SLC23A2: variants seen among roughly 807,000 people sequenced by gnomAD.
The protein encoded by SLC23A2 is Na(+)/L-ascorbic acid transporter 2.
In SLC23A2, 36 loss-of-function variants were observed where a neutral mutation model predicts 73.3. The ratio of observed to expected loss-of-function variants is 0.49; its 90% confidence interval spans 0.38 to 0.65. The LOEUF (loss-of-function observed/expected upper bound fraction) is 0.65. Ranked by LOEUF, SLC23A2 falls within the 30% of genes least tolerant of loss-of-function variation. The pLI, the probability that SLC23A2 is intolerant of heterozygous loss-of-function variation, is 0.00. For synonymous variants in SLC23A2, 343 were observed against 327.3 expected, an observed-to-expected ratio of 1.05 and a Z score of -0.52; for missense variants, 507 against 841.6, an observed-to-expected ratio of 0.60 and a Z score of 4.92.
At chr20:4,974,696 AT>A (rs955487727) in intron 1 of SLC23A2, among the ~76,000 whole-genome samples, 1 of 152,012 alleles carries the variant, frequency 6.6e-6, no homozygotes, top group African/African-American at 2.4e-5. Context: ...CAATGTTTGT[AT>A]TTTTTTCAAG....
chr20:4,989,725 T>C (rs949703415), intron 1 of SLC23A2, among the ~76,000 whole-genome samples: 9 of 151,958 alleles, frequency 5.9e-5, no homozygotes, highest in African/African-American at 2.2e-4. Context: ...ACCCATGACA[T>C]GAGGTCAGGT....
In SLC23A2 at chr20:4,883,369, T is replaced by C. The variant is rs766940204; in HGVS notation, c.824+273A>G. 2.0e-5 allele frequency among the ~76,000 whole-genome samples: 3 copies of C among 152,122 alleles called. No individual in the cohort carries two copies. Among genetic ancestry groups the C allele is most frequent in the Non-Finnish European group, 2.9e-5 (2 of 68,028 alleles). On this transcript the variant is annotated intron_variant, in intron 9 of 16. Transcript: ENST00000338244. The surrounding 1 kb of genome is among the most constrained non-coding windows in gnomAD (Gnocchi z 4.5). ...CAAGACCTCAAAAGTCAAAAACAAA[T>C]GGCGCCACTACCTTACCCCACTACC...
At chr20:4,967,499 C>T (rs1176202541) in intron 2 of SLC23A2, among the ~76,000 whole-genome samples, 1 of 152,212 alleles carries the variant, frequency 6.6e-6, no homozygotes, top group African/African-American at 2.4e-5. Context: ...TCTGTAATCA[C>T]CATCAGTGTT....
Position 4,862,130 on chromosome 20 carries a change from C to G in SLC23A2, c.1487-45G>C. ...ACCACAAGCTCCAGCACCACTACAG[C>G]GGGGACAGCTCAAGGCAGGTGAGGG... is the stretch of plus-strand genomic sequence containing the variant. On this transcript the variant is annotated intron_variant, in intron 14 of 16. Coordinates refer to ENST00000338244, the MANE Select transcript of SLC23A2 (RefSeq NM_005116.6). This position sits in a 1 kb window ranked among gnomAD's most constrained non-coding sequence, Gnocchi z 5.1. 6.2e-7 allele frequency: 1 copy of G among 1,606,014 alleles called. No homozygotes were observed. Among genetic ancestry groups the G allele is most frequent in the South Asian group, 1.1e-5 (1 of 89,996 alleles).
rs1930020960 is a variant in SLC23A2, at chr20:4,862,736, A to G, written c.1486+42T>C. 6.3e-7 allele frequency: 1 copy of G among 1,582,284 alleles called. No homozygotes were observed. Among genetic ancestry groups the G allele is most frequent in the Admixed American group, 1.7e-5 (1 of 57,716 alleles). The stretch of plus-strand genomic sequence containing the variant: ...AAAAACACCATGACCCCTATTAAAA[A>G]TTTGGAAAAGTAAAGGAAAAAGCCA... On this transcript the variant is annotated intron_variant, in intron 14 of 16. Coordinates refer to ENST00000338244, the MANE Select transcript of SLC23A2 (RefSeq NM_005116.6). This position sits in a 1 kb window ranked among gnomAD's most constrained non-coding sequence, Gnocchi z 5.1.
chr20:4,992,251 C>T (rs565198550), intron 1 of SLC23A2, among the ~76,000 whole-genome samples: 3 of 152,192 alleles, frequency 2.0e-5, no homozygotes, highest in African/African-American at 7.2e-5. Context: ...AACAGATAAA[C>T]TGACTAAAAC....
chr20:4,921,379 C>T (rs749588250), intron 3 of SLC23A2, among the ~76,000 whole-genome samples: 49 of 152,162 alleles, frequency 3.2e-4, no homozygotes, highest in Admixed American at 5.9e-4. Context: ...CTCAGAAATT[C>T]GAGACCAGCC....
chr20:4,989,862 A>G (rs2087897417), intron 1 of SLC23A2, among the ~76,000 whole-genome samples: 1 of 152,160 alleles, frequency 6.6e-6, no homozygotes, highest in African/African-American at 2.4e-5. Context: ...CTACTGAAAA[A>G]TAAGAACAAC....
chr20:4,936,057 C>T (rs1340619135), intron 2 of SLC23A2, among the ~76,000 whole-genome samples: 5 of 152,080 alleles, frequency 3.3e-5, no homozygotes, highest in Non-Finnish European at 5.9e-5. Flanking sequence ...ATTTTATCCC[C>T]GCTTTTTGTT....
chr20:4,920,217 T>C (rs1168730590), intron 3 of SLC23A2, among the ~76,000 whole-genome samples: 1 of 152,168 alleles, frequency 6.6e-6, no homozygotes. Flanking sequence ...GCCGAGAACA[T>C]GACACTGCAC....
chr20:4,984,999 T>C (rs1031969786), intron 1 of SLC23A2, among the ~76,000 whole-genome samples: 1 of 151,940 alleles, frequency 6.6e-6, no homozygotes, highest in African/African-American at 2.4e-5. Flanking sequence ...TAGCTGGGCG[T>C]GGTGGCACGT....
At position 4,857,290 on chromosome 20, in the gene SLC23A2, AC is replaced by A; in HGVS notation, c.1721-87del. 1 of 258,680 alleles carries A rather than the reference AC, an allele frequency of 3.9e-6. No individual in the cohort carries two copies. The highest frequency in any genetic ancestry group is 6.8e-6 in the Non-Finnish European group (1 of 146,718). The allele number at this position is 258,680 out of a possible 1,614,324, so 16.0% of individuals were successfully genotyped here. ...AAACTGTCGTCAAACACATACACAC[AC>A]ACACACACACACACACACACACACA... On this transcript the variant is annotated intron_variant, in intron 16 of 16. Transcript: ENST00000338244. This position sits in a 1 kb window ranked among gnomAD's most constrained non-coding sequence, Gnocchi z 4.0.
chr20:4,881,072 G>A (rs549713691), intron 9 of SLC23A2, among the ~76,000 whole-genome samples: 6 of 152,328 alleles, frequency 3.9e-5, no homozygotes, highest in African/African-American at 4.8e-5. Context: ...GGGATGAGGC[G>A]AAAGGAAGAC....
At chr20:4,996,685 CAAAAAAAAAAAAAA>C (rs1555809857) in intron 1 of SLC23A2, among the ~76,000 whole-genome samples, 6 of 54,780 alleles carry the variant, frequency 1.1e-4, no homozygotes, top group African/African-American at 2.9e-4. Flanking sequence ...GATTCCATCT[CAAAAAAAAAAAAAA>C]AAAAAAAAAA....
At chr20:4,997,859 T>C (rs576118051) in intron 1 of SLC23A2, among the ~76,000 whole-genome samples, 6 of 152,046 alleles carry the variant, frequency 3.9e-5, no homozygotes, top group Admixed American at 1.3e-4. Context: ...TGGTCTCAAG[T>C]GATCCTCCTG....
chr20:4,992,612 G>A (rs1302605092), intron 1 of SLC23A2, among the ~76,000 whole-genome samples: 1 of 150,422 alleles, frequency 6.6e-6, no homozygotes, highest in Non-Finnish European at 1.5e-5. Flanking sequence ...CCGGGTTCGA[G>A]TGATTCTCCT....
At chr20:4,870,744 G>A (rs1203598723) in intron 11 of SLC23A2, among the ~76,000 whole-genome samples, 2 of 152,188 alleles carry the variant, frequency 1.3e-5, no homozygotes, top group Non-Finnish European at 1.5e-5. Context: ...GTACAGAGCA[G>A]GGTACAAAGC....
chr20:4,906,503 C>T (rs1931961112), intron 4 of SLC23A2, among the ~76,000 whole-genome samples: 1 of 152,014 alleles, frequency 6.6e-6, no homozygotes, highest in Admixed American at 6.6e-5. Flanking sequence ...ACCTGTAGTC[C>T]CAGCTACTTG....
At position 4,899,237 on chromosome 20, in the gene SLC23A2, C is replaced by G. The variant is rs560197615; in HGVS notation, c.482+318G>C. Among the ~76,000 whole-genome samples the G allele has an allele frequency of 2.0e-5, 3 of 152,204 alleles. No homozygotes were observed. The East Asian group carries it at 5.8e-4, about 29-fold the overall frequency. On this transcript the variant is annotated intron_variant, in intron 6 of 16. Transcript: ENST00000338244. The surrounding 1 kb of genome is among the most constrained non-coding windows in gnomAD (Gnocchi z 4.9). ...CCAACGGGGAGCCTGGTGGGACACT[C>G]TGGTCTGAACGTAAGGAATAGGGGC...
Sources: allele counts gnomAD v4.1 joint callset (sites outside exome capture counted in the v4.1 genomes callset), GRCh38; gene constraint gnomAD v4.1.1; non-coding constraint Gnocchi (gnomAD v3.1); transcripts MANE v1.5; gene names NCBI Gene and HGNC (gene_info 2026-07-23, HGNC 2026-07-21).